Variants in HYCC2 observed in about 807,000 individuals in gnomAD.
HYCC2 encodes the protein hyccin PI4KA lipid kinase complex subunit 2.
the HYCC2 span, chr2:200,992,130 C>A: frequency 1.8e-6 from 1 of 566,650 alleles, no homozygotes; most frequent in Non-Finnish European, 3.2e-6. Context: ...TGGAAAGGAC[C>A]TAAACCTATT....
the HYCC2 span, among the ~76,000 whole-genome samples, chr2:200,985,242 T>A: frequency 4.6e-5 from 7 of 152,206 alleles, no homozygotes; most frequent in South Asian, 2.1e-4. Context: ...GGAATTTTTT[T>A]ATTTTTTTTT....
the HYCC2 span, chr2:201,009,032 G>A: frequency 1.9e-6 from 3 of 1,614,002 alleles, no homozygotes; most frequent in South Asian, 2.2e-5. Context: ...CAACTCTGAT[G>A]AGATCATGCT....
the HYCC2 span, among the ~76,000 whole-genome samples, chr2:201,066,207 A>G: frequency 0.32 from 48,243 of 151,854 alleles, 10,129 homozygotes; most frequent in African/African-American, 0.6. Flanking sequence ...TCCAGTAGCT[A>G]GCACTACAGG....
chr2:201,061,375 T>C, the HYCC2 span: 3 of 151,836 alleles, frequency 2.0e-5, no homozygotes, highest in African/African-American at 7.3e-5. Context: ...GAGGTTGCAG[T>C]AAGCAGAGAC....
the HYCC2 span, among the ~76,000 whole-genome samples, chr2:201,058,287 G>A: frequency 4.3e-4 from 65 of 152,142 alleles, no homozygotes; most frequent in African/African-American, 1.3e-3. Context: ...CATAAACTTT[G>A]ATAAGAAGAA....
At chr2:200,994,502 G>C in the HYCC2 span, among the ~76,000 whole-genome samples, 1 of 152,124 alleles carries the variant, frequency 6.6e-6, no homozygotes, top group African/African-American at 2.4e-5. Context: ...CTCCCAAAGT[G>C]CTGGGATTAG....
chr2:201,048,574 A>G, the HYCC2 span, among the ~76,000 whole-genome samples: 23 of 151,732 alleles, frequency 1.5e-4, no homozygotes, highest in African/African-American at 5.6e-4. Context: ...GCCCAAGACA[A>G]TTCTTCTGCT....
At chr2:200,978,423 T>C in the HYCC2 span, 1 of 150,744 alleles carries the variant, frequency 6.6e-6, no homozygotes, top group Non-Finnish European at 1.5e-5. Context: ...TACAAACATA[T>C]ATGTATATAC....
chr2:201,054,840 T>G, the HYCC2 span, among the ~76,000 whole-genome samples: 1,723 of 152,342 alleles, frequency 0.011, 17 homozygotes, highest in Non-Finnish European at 0.017. Flanking sequence ...TTTTTAATTT[T>G]AATTTTCAGA....
the HYCC2 span, among the ~76,000 whole-genome samples, chr2:201,056,674 CAAAAAAAA>C: frequency 7.3e-5 from 5 of 68,956 alleles, no homozygotes; most frequent in Non-Finnish European, 1.4e-4. Flanking sequence ...AACTCCATCT[CAAAAAAAA>C]AAAAAAAAAA....
chr2:201,011,516 C>A, the HYCC2 span: 4 of 1,081,884 alleles, frequency 3.7e-6, no homozygotes, highest in South Asian at 3.3e-5. Context: ...AATCACAGAT[C>A]TACACGAAAT....
chr2:200,998,890 T>C, the HYCC2 span, among the ~76,000 whole-genome samples: 2 of 152,162 alleles, frequency 1.3e-5, no homozygotes, highest in Non-Finnish European at 2.9e-5. Flanking sequence ...AAGTTAAAAA[T>C]CAAGCTGAAA....
chr2:201,051,901 G>A, the HYCC2 span, among the ~76,000 whole-genome samples: 9 of 152,188 alleles, frequency 5.9e-5, no homozygotes, highest in Non-Finnish European at 7.3e-5. Context: ...TCAATCATGA[G>A]CCTAATACTA....
chr2:201,022,008 A>C, the HYCC2 span: 2 of 1,137,858 alleles, frequency 1.8e-6, no homozygotes, highest in Admixed American at 2.3e-5. Flanking sequence ...TAGTGGTAGG[A>C]CAAAAATGAA....
At chr2:201,063,931 T>C in the HYCC2 span, 3 of 1,597,244 alleles carry the variant, frequency 1.9e-6, no homozygotes, top group Non-Finnish European at 2.5e-6. Context: ...GAGGAAATTT[T>C]GGAGGCAGAA....
the HYCC2 span, among the ~76,000 whole-genome samples, chr2:201,038,261 G>A: frequency 4.6e-5 from 7 of 152,304 alleles, no homozygotes; most frequent in South Asian, 1.5e-3. Flanking sequence ...TGGAGAGGAT[G>A]TGGAGAAATA....
the HYCC2 span, among the ~76,000 whole-genome samples, chr2:201,040,651 A>AT: frequency 1.3e-5 from 2 of 151,858 alleles, no homozygotes; most frequent in South Asian, 2.1e-4. Context: ...TATCCGGCTA[A>AT]TTTTTTTATT....
At chr2:201,039,913 G>A in the HYCC2 span, among the ~76,000 whole-genome samples, 1 of 152,106 alleles carries the variant, frequency 6.6e-6, no homozygotes, top group Non-Finnish European at 1.5e-5. Context: ...AGTGGCTCAC[G>A]CCTGTAATCC....
chr2:201,037,565 C>A, the HYCC2 span, among the ~76,000 whole-genome samples: 1 of 152,162 alleles, frequency 6.6e-6, no homozygotes, highest in South Asian at 2.1e-4. Flanking sequence ...TGGAACAGAA[C>A]AGAGCCCTCA....
Sources: allele counts gnomAD v4.1 joint callset (sites outside exome capture counted in the v4.1 genomes callset), GRCh38; gene constraint gnomAD v4.1.1; transcripts MANE v1.5; gene names NCBI Gene and HGNC (gene_info 2026-07-23, HGNC 2026-07-21).